Variants in OSBPL8 observed in about 807,000 individuals in gnomAD.
The protein encoded by OSBPL8 is oxysterol binding protein like 8.
In OSBPL8, 59 loss-of-function variants were observed where a neutral mutation model predicts 125.5. The observed-to-expected ratio is 0.47, with a 90% CI of 0.38 to 0.58. The LOEUF is 0.58. Among genes scored for constraint, OSBPL8 ranks in the 20% least tolerant of loss-of-function variants. The pLI, the probability that OSBPL8 is intolerant of heterozygous loss-of-function variation, is 0.00. For missense variants in OSBPL8, 758 were observed against 1,047.8 expected (o/e 0.72, Z 3.82); for synonymous variants, 330 against 338.9 (o/e 0.97, Z 0.29).
intron 1 of OSBPL8, among the ~76,000 whole-genome samples, chr12:76,558,179 A>T (rs1951166903): frequency 6.6e-6 from 1 of 152,202 alleles, no homozygotes; most frequent in Non-Finnish European, 1.5e-5. Context: ...TTTTATAGAG[A>T]ACAGTTTTAA....
chr12:76,531,730 T>C (rs915980348), intron 1 of OSBPL8, among the ~76,000 whole-genome samples: 10 of 152,080 alleles, frequency 6.6e-5, no homozygotes, highest in Non-Finnish European at 2.9e-5. Flanking sequence ...AATTAAGTAC[T>C]GCGCACTAAA....
rs147109593 is a variant in OSBPL8 at position 76,390,494 on chromosome 12, A to G, written c.1093T>C (p.Tyr365His). ...GGCTCAACAGGCTCAGGTTCGATAT[A>G]TGAGTCATCTTGTCTTTCTGATGTA... is the stretch of plus-strand genomic sequence containing the variant. ...TDTSERQDDS[Y>H]IEPEPVEPLK... is the part of the protein sequence containing the mutation. The change falls in exon 11 of 24, where the codon TAT becomes CAT. Residue 365 changes from tyrosine to histidine, a missense_variant. By Grantham distance (83) the Tyr-to-His change is moderately conservative. Coordinates refer to ENST00000261183, the MANE Select transcript of OSBPL8 (RefSeq NM_020841.5). 7.7e-5 allele frequency: 124 copies of G among 1,613,852 alleles called. 1 individual carries two copies. The highest frequency in any genetic ancestry group is 1.5e-4 in the Admixed American group (9 of 59,996).
chr12:76,452,420 C>A (rs1873530363), intron 3 of OSBPL8, among the ~76,000 whole-genome samples: 1 of 152,104 alleles, frequency 6.6e-6, no homozygotes, highest in Non-Finnish European at 1.5e-5. Context: ...TACCCAACTG[C>A]CTGCCTTATA....
intron 17 of OSBPL8, among the ~76,000 whole-genome samples, chr12:76,374,353 T>C (rs1952732310): frequency 6.6e-6 from 1 of 152,160 alleles, no homozygotes; most frequent in South Asian, 2.1e-4. Flanking sequence ...CAAGGAGACC[T>C]TGCCACTCTC....
intron 2 of OSBPL8, among the ~76,000 whole-genome samples, chr12:76,479,806 G>A (rs1205116231): frequency 6.6e-6 from 1 of 152,112 alleles, no homozygotes; most frequent in African/African-American, 2.4e-5. Flanking sequence ...AGATATCGGA[G>A]AGATTTAAAA....
chr12:76,486,112 A>G (rs1878103611), intron 2 of OSBPL8: 2 of 394,308 alleles, frequency 5.1e-6, no homozygotes. Flanking sequence ...TTTCTTCTCT[A>G]CTAACAATTT....
chr12:76,375,225 G>T, intron 17 of OSBPL8, 48 bp downstream of exon 17: 1 of 1,257,634 alleles, frequency 8.0e-7, no homozygotes, highest in Non-Finnish European at 1.1e-6. Flanking sequence ...AATATTTATT[G>T]TATGGCTCTC....
intron 1 of OSBPL8, among the ~76,000 whole-genome samples, chr12:76,497,336 T>C (rs7308257): frequency 0.51 from 77,189 of 151,908 alleles, 21,333 homozygotes; most frequent in African/African-American, 0.72. Flanking sequence ...ACAAAATGAG[T>C]CTGATAAACT....
At chr12:76,537,921 A>T (rs1377291788) in intron 1 of OSBPL8, 3 of 152,196 alleles carry the variant, frequency 2.0e-5, no homozygotes, top group Non-Finnish European at 4.4e-5. Flanking sequence ...AAAAATAAAT[A>T]AATAAAATAA....
intron 1 of OSBPL8, among the ~76,000 whole-genome samples, chr12:76,551,561 A>G: frequency 6.6e-6 from 1 of 152,206 alleles, no homozygotes; most frequent in East Asian, 1.9e-4. Context: ...CATTCTTATC[A>G]TGGTGACTGG....
intron 4 of OSBPL8, among the ~76,000 whole-genome samples, chr12:76,445,543 T>A (rs1384661831): frequency 1.3e-5 from 2 of 152,138 alleles, no homozygotes; most frequent in African/African-American, 4.8e-5. Flanking sequence ...ACAAGACAAT[T>A]TTCAAATGGG....
intron 1 of OSBPL8, among the ~76,000 whole-genome samples, chr12:76,546,123 G>A (rs936642869): frequency 2.0e-4 from 30 of 152,202 alleles, no homozygotes; most frequent in Admixed American, 4.6e-4. Context: ...TGTTACGTTG[G>A]GGGTCCTGGA....
rs575835222 is a variant in OSBPL8, at chr12:76,386,674, C to T, written c.1353-14G>A. On this transcript the variant is annotated splice_polypyrimidine_tract_variant and intron_variant, in intron 12 of 23. Transcript: ENST00000261183. The stretch of plus-strand genomic sequence containing the variant: ...TCAAGAGCTGCCCTAAAACACAAAA[C>T]GGTAAACAAAAATTTTAAAAAATGT... 7.4e-5 allele frequency: 117 copies of T among 1,576,454 alleles called. 2 individuals carry two copies. The South Asian group carries it at 9.7e-4, about 13-fold the overall frequency.
rs543567408 is a variant in OSBPL8, at chr12:76,472,325, A to G, written c.43-12430T>C. ...CAATCACCAGGTCCTGCTGATTTGCATCTCTAATTCCTTCCACATATTTTC... is the reference window on the plus strand; with the variant it reads ...CAATCACCAGGTCCTGCTGATTTGCGTCTCTAATTCCTTCCACATATTTTC... On this transcript the variant is annotated intron_variant, in intron 2 of 23. Transcript: ENST00000261183. Among the ~76,000 whole-genome samples the G allele has an allele frequency of 4.6e-5, 7 of 152,322 alleles. No individual in the cohort carries two copies. The South Asian group carries it at 1.0e-3, about 23-fold the overall frequency.
intron 4 of OSBPL8, among the ~76,000 whole-genome samples, chr12:76,433,759 G>A (rs1871127814): frequency 6.6e-6 from 1 of 152,014 alleles, no homozygotes. Flanking sequence ...TGGATCATGA[G>A]GTCAGGAGTT....
At chr12:76,418,415 C>T (rs568429662) in intron 4 of OSBPL8, among the ~76,000 whole-genome samples, 1 of 152,244 alleles carries the variant, frequency 6.6e-6, no homozygotes, top group East Asian at 1.9e-4. Flanking sequence ...CAAATTCCTT[C>T]CAAATGGTCA....
At chr12:76,512,860 T>C (rs1300988452) in intron 1 of OSBPL8, among the ~76,000 whole-genome samples, 1 of 152,244 alleles carries the variant, frequency 6.6e-6, no homozygotes, top group Admixed American at 6.5e-5. Flanking sequence ...TCTGATTTCT[T>C]TGAGCAGTGT....
intron 1 of OSBPL8, among the ~76,000 whole-genome samples, chr12:76,527,050 A>T (rs1950200332): frequency 6.6e-6 from 1 of 152,138 alleles, no homozygotes; most frequent in Admixed American, 6.6e-5. Context: ...TTATGAGGCT[A>T]AAATGTCAAT....
At chr12:76,421,067 G>A (rs192031598) in intron 4 of OSBPL8, among the ~76,000 whole-genome samples, 2 of 152,066 alleles carry the variant, frequency 1.3e-5, no homozygotes, top group East Asian at 3.9e-4. Flanking sequence ...TAAAAGCTAA[G>A]TTTTCTATTG....
Sources: allele counts gnomAD v4.1 joint callset (sites outside exome capture counted in the v4.1 genomes callset), GRCh38; gene constraint gnomAD v4.1.1; transcripts MANE v1.5; gene names NCBI Gene and HGNC (gene_info 2026-07-23, HGNC 2026-07-21).